The following PHF14 variants were observed in gnomAD, a reference collection of about 807,000 sequenced individuals.
PHF14 encodes the protein PHD finger protein 14.
Under a neutral mutation model 117.9 loss-of-function variants are expected in PHF14, and 55 were observed. The ratio of observed to expected loss-of-function variants is 0.47; its 90% CI spans 0.38 to 0.58. PHF14 has a LOEUF of 0.58. PHF14 is among the 20% of genes least tolerant of loss of function. The probability of loss-of-function intolerance (pLI) is 0.00; values close to 1 mark genes in which losing one functional copy is unlikely to be tolerated. For synonymous variants in PHF14, 409 were observed against 368.6 expected, an observed-to-expected ratio of 1.11 and a Z score of -1.26; for missense variants, 978 against 1,122.2, an observed-to-expected ratio of 0.87 and a Z score of 1.84.
chr7:11,137,618 G>A (rs564119126), intron 17 of PHF14, among the ~76,000 whole-genome samples: 11 of 119,774 alleles, frequency 9.2e-5, no homozygotes, highest in East Asian at 5.0e-4. Flanking sequence ...TTTTTGAGAC[G>A]GAGTTTTGCT....
At chr7:11,120,399 G>T (rs1213920959) in intron 17 of PHF14, among the ~76,000 whole-genome samples, 1 of 151,910 alleles carries the variant, frequency 6.6e-6, no homozygotes, top group East Asian at 1.9e-4. Context: ...CAAATGTTAA[G>T]AAATGTTTTT....
At chr7:11,020,303 T>C (rs1783690391) in intron 5 of PHF14, among the ~76,000 whole-genome samples, 2 of 152,174 alleles carry the variant, frequency 1.3e-5, no homozygotes, top group Admixed American at 6.5e-5. Flanking sequence ...TTGCCCAGGC[T>C]GGTCTTGAGC....
intron 16 of PHF14, among the ~76,000 whole-genome samples, chr7:11,094,887 T>C (rs1215641954): frequency 6.6e-6 from 1 of 152,214 alleles, no homozygotes; most frequent in African/African-American, 2.4e-5. Context: ...ACATCAGCTC[T>C]CTCATGGCTT....
chr7:11,088,172 C>T (rs976751538), intron 16 of PHF14, among the ~76,000 whole-genome samples: 1 of 152,134 alleles, frequency 6.6e-6, no homozygotes, highest in Non-Finnish European at 1.5e-5. Flanking sequence ...TTCCTGTATG[C>T]TTTCAGTTAT....
chr7:11,096,542 C>T (rs541406242), intron 16 of PHF14, among the ~76,000 whole-genome samples: 8 of 152,030 alleles, frequency 5.3e-5, no homozygotes, highest in East Asian at 3.8e-4. Flanking sequence ...AGTTCATTTA[C>T]GGGTATTTCA....
At chr7:11,164,523 A>G in intron 17 of PHF14, among the ~76,000 whole-genome samples, 1 of 152,124 alleles carries the variant, frequency 6.6e-6, no homozygotes, top group South Asian at 2.1e-4. Flanking sequence ...GGTGCCTTGC[A>G]TTTGTTTTCT....
Position 11,084,499 on chromosome 7 carries a change from T to G in PHF14, c.2654+22414T>G, listed in dbSNP as rs985315292. On this transcript the variant is annotated intron_variant, in intron 16 of 17. Coordinates refer to ENST00000634607, the MANE Select transcript of PHF14 (RefSeq NM_001007157.2). ...TATTATAGGGTTTACTCTTGTGTTT[T>G]TTTTTTTTTTTAACTTCACAATGCA... Among the ~76,000 whole-genome samples, 41 of 151,784 alleles carry G rather than the reference T, an allele frequency of 2.7e-4. No individual in the cohort carries two copies. The South Asian group carries it at 7.3e-3, about 27-fold the overall frequency.
chr7:11,067,353 TG>T (rs1462078538), intron 16 of PHF14, among the ~76,000 whole-genome samples: 33 of 152,292 alleles, frequency 2.2e-4, no homozygotes, highest in Non-Finnish European at 2.9e-5. Flanking sequence ...CTGGAGTTCT[TG>T]TACAATTGCC....
At chr7:11,157,294 A>G (rs1301765255) in intron 17 of PHF14, among the ~76,000 whole-genome samples, 2 of 152,120 alleles carry the variant, frequency 1.3e-5, no homozygotes, top group Admixed American at 6.5e-5. Flanking sequence ...AAAAGACAAA[A>G]TGTCTAATAT....
chr7:10,995,647 G>T (rs1212461674), intron 4 of PHF14, among the ~76,000 whole-genome samples: 4 of 152,214 alleles, frequency 2.6e-5, no homozygotes, highest in Admixed American at 6.5e-5. Flanking sequence ...CCCATGGCGG[G>T]GTGGGTAAGG....
chr7:11,065,100 A>C (rs1785379903), intron 16 of PHF14, among the ~76,000 whole-genome samples: 1 of 152,076 alleles, frequency 6.6e-6, no homozygotes, highest in African/African-American at 2.4e-5. Context: ...GAAATTTGTC[A>C]TTACATGTTT....
chr7:11,009,017 CAGAG>C, intron 4 of PHF14, among the ~76,000 whole-genome samples: 1 of 127,510 alleles, frequency 7.8e-6, no homozygotes, highest in Non-Finnish European at 1.6e-5. Flanking sequence ...GCCTGGGCGA[CAGAG>C]TGAGACTCTG....
intron 17 of PHF14, among the ~76,000 whole-genome samples, chr7:11,120,719 A>G (rs1258033088): frequency 1.3e-5 from 2 of 152,114 alleles, no homozygotes; most frequent in Non-Finnish European, 2.9e-5. Context: ...TTCACTTTAA[A>G]TATAGGATTA....
At chr7:11,095,194 T>TA (rs1786798673) in intron 16 of PHF14, among the ~76,000 whole-genome samples, 1 of 152,204 alleles carries the variant, frequency 6.6e-6, no homozygotes, top group African/African-American at 2.4e-5. Flanking sequence ...TGCCAAGCAT[T>TA]ATTTTAATTA....
intron 2 of PHF14, among the ~76,000 whole-genome samples, chr7:10,981,002 G>C (rs1416012247): frequency 1.3e-5 from 2 of 152,072 alleles, no homozygotes; most frequent in Admixed American, 6.6e-5. Context: ...TTGTGAGATT[G>C]ATAATGATTT....
At chr7:11,160,764 A>G (rs968965625) in intron 17 of PHF14, among the ~76,000 whole-genome samples, 1 of 151,848 alleles carries the variant, frequency 6.6e-6, no homozygotes, top group African/African-American at 2.4e-5. Context: ...TAATTGAGTC[A>G]TTTGTTTTTT....
chr7:11,138,853 TTGTG>T (rs1788321066), intron 17 of PHF14, among the ~76,000 whole-genome samples: 1 of 152,174 alleles, frequency 6.6e-6, no homozygotes, highest in Non-Finnish European at 1.5e-5. Context: ...GTTTGCTTCA[TTGTG>T]TTACTTGGAA....
intron 16 of PHF14, chr7:11,109,300 A>T (rs1022971649): frequency 1.3e-5 from 2 of 151,982 alleles, no homozygotes; most frequent in Admixed American, 1.3e-4. Context: ...CAAGAATTCA[A>T]ATAGAACAGC....
intron 2 of PHF14, among the ~76,000 whole-genome samples, chr7:10,977,715 A>T (rs535739603): frequency 1.3e-5 from 2 of 152,300 alleles, no homozygotes; most frequent in East Asian, 3.9e-4. Flanking sequence ...TAGGATATAT[A>T]TGCATTATTA....
Sources: allele counts gnomAD v4.1 joint callset (sites outside exome capture counted in the v4.1 genomes callset), GRCh38; gene constraint gnomAD v4.1.1; transcripts MANE v1.5; gene names NCBI Gene and HGNC (gene_info 2026-07-23, HGNC 2026-07-21).